Variants in FBXO34 observed in about 807,000 individuals in gnomAD.
The protein encoded by FBXO34 is F-box protein 34.
Under a neutral mutation model 24.5 loss-of-function variants are expected in FBXO34, and 12 were observed. That is an observed-to-expected ratio of 0.49 (90% CI 0.31 to 0.79). The LOEUF is 0.79. FBXO34 is among the 30% of genes least tolerant of loss of function. The pLI, the probability that FBXO34 is intolerant of heterozygous loss-of-function variation, is 0.04. For missense variants in FBXO34, 823 were observed against 857.7 expected (o/e 0.96, Z 0.51); for synonymous variants, 320 against 311.9 (o/e 1.03, Z -0.27).
rs560391457 is a variant in FBXO34 at position 55,276,218 on chromosome 14, A to T, written c.-11+4681A>T. Among the ~76,000 whole-genome samples, 3 of 152,326 alleles carry T rather than the reference A, an allele frequency of 2.0e-5. No individual in the cohort carries two copies. In the East Asian group the frequency reaches 5.8e-4, roughly 29 times the overall value. On this transcript the variant is annotated intron_variant, in intron 1 of 1. Transcript: ENST00000313833. ...AACTTGGGAAATACGCAAGCCTCTC[A>T]CAGCCTTCATTTCCAGTGTTTGCTT...
At chr14:55,377,979 C>T in the FBXO34 span, 1 of 1,603,826 alleles carries the variant, frequency 6.2e-7, no homozygotes, top group Non-Finnish European at 8.5e-7. Context: ...ACCTATTTTT[C>T]ATACCTGAGA....
At chr14:55,435,021 A>G in the FBXO34 span, among the ~76,000 whole-genome samples, 3 of 152,178 alleles carry the variant, frequency 2.0e-5, no homozygotes. Flanking sequence ...TGAAAACAGG[A>G]TGCCTGGCCT....
chr14:55,427,539 G>C, the FBXO34 span, among the ~76,000 whole-genome samples: 14 of 152,128 alleles, frequency 9.2e-5, no homozygotes, highest in Admixed American at 2.6e-4. Flanking sequence ...GCGTTGGAAT[G>C]AAAGAACTTC....
chr14:55,437,767 G>A, the FBXO34 span, among the ~76,000 whole-genome samples: 4 of 152,302 alleles, frequency 2.6e-5, no homozygotes. Flanking sequence ...AATAAATGAA[G>A]GAAGTTTAAG....
chr14:55,412,405 A>G, the FBXO34 span, among the ~76,000 whole-genome samples: 5 of 152,342 alleles, frequency 3.3e-5, no homozygotes, highest in African/African-American at 1.2e-4. Flanking sequence ...TACTTTACCA[A>G]TAGTGAAAAC....
At chr14:55,318,310 C>A (rs1449599715) in intron 1 of FBXO34, 1 of 104,764 alleles carries the variant, frequency 9.5e-6, no homozygotes, top group Non-Finnish European at 1.8e-5. Context: ...TAGGCATAGC[C>A]AATCCCCTGT....
Position 55,332,108 on chromosome 14 carries a change from A to G in FBXO34, c.-10-18273A>G, listed in dbSNP as rs998993633. Among the ~76,000 whole-genome samples, 11 of 146,650 alleles carry G rather than the reference A, an allele frequency of 7.5e-5. No homozygotes were observed. The South Asian group carries it at 2.3e-3, about 31-fold the overall frequency. On this transcript the variant is annotated intron_variant, in intron 1 of 1. Coordinates refer to ENST00000313833, the MANE Select transcript of FBXO34 (RefSeq NM_017943.4). ...AATATATATATATATTTAAATATAT[A>G]TATAAATTTAATATATAACTCATTC...
In FBXO34 at chr14:55,350,481, A is replaced by G. The variant is rs767610961; in HGVS notation, c.91A>G (p.Lys31Glu). The change falls in exon 2 of 2, where the codon AAG becomes GAG. Residue 31 changes from lysine to glutamate, a missense_variant. This residue lies in a region of FBXO34 where 693 missense variants were observed against 659.1 expected (regional missense o/e 1.05). Coordinates refer to ENST00000313833, the MANE Select transcript of FBXO34 (RefSeq NM_017943.4). ...ETQRTPMNHQKAVNDETCKAS... is the reference protein window; with the variant it reads ...ETQRTPMNHQEAVNDETCKAS... Reference sequence around the variant, plus strand: ...GCAGAGAACTCCTATGAACCACCAAAAGGCTGTAAATGATGAAACATGCAA... The same window carrying G: ...GCAGAGAACTCCTATGAACCACCAAGAGGCTGTAAATGATGAAACATGCAA... The G allele has an allele frequency of 3.7e-6, 6 of 1,613,730 alleles. No homozygotes were observed. The African/African-American group carries it at 8.0e-5, about 22-fold the overall frequency.
intron 1 of FBXO34, among the ~76,000 whole-genome samples, chr14:55,296,984 T>TA (rs1432981688): frequency 6.6e-6 from 1 of 152,206 alleles, no homozygotes; most frequent in Non-Finnish European, 1.5e-5. Flanking sequence ...TTTAAAACAG[T>TA]AGTTTAGGGG....
At chr14:55,384,950 C>T in the FBXO34 span, among the ~76,000 whole-genome samples, 4 of 152,224 alleles carry the variant, frequency 2.6e-5, no homozygotes, top group Non-Finnish European at 4.4e-5. Flanking sequence ...CTCTATTTCT[C>T]AGATGAACAG....
rs554143081 is a variant in FBXO34, at chr14:55,330,103, C to G, written c.-10-20278C>G. Among the ~76,000 whole-genome samples, 3 of 152,254 alleles carry G rather than the reference C, an allele frequency of 2.0e-5. No homozygotes were observed. In the East Asian group the frequency reaches 5.8e-4, roughly 29 times the overall value. ...CATGATGTCACTTTTCTCTTCCATC[C>G]AAATTTAGTTTTAGTTTTGTAAACT... On this transcript the variant is annotated intron_variant, in intron 1 of 1. Transcript: ENST00000313833.
intron 1 of FBXO34, among the ~76,000 whole-genome samples, chr14:55,338,443 G>A (rs1164909837): frequency 6.6e-6 from 1 of 152,092 alleles, no homozygotes; most frequent in Non-Finnish European, 1.5e-5. Flanking sequence ...TTGTAGATAA[G>A]AGTATGTACT....
At chr14:55,395,302 G>A in the FBXO34 span, 55 of 273,700 alleles carry the variant, frequency 2.0e-4, no homozygotes, top group African/African-American at 1.2e-3. Flanking sequence ...CAGCAAAGCC[G>A]GGCTGCCTGG....
downstream of FBXO34, among the ~76,000 whole-genome samples, chr14:55,365,050 C>A (rs1162763532): frequency 7.6e-6 from 1 of 132,374 alleles, no homozygotes; most frequent in African/African-American, 2.8e-5. Flanking sequence ...GAAACCCCAT[C>A]TCTACTTTAA....
At chr14:55,326,081 A>G (rs17128405) in intron 1 of FBXO34, 1 of 152,312 alleles carries the variant, frequency 6.6e-6, no homozygotes, top group African/African-American at 2.4e-5. Flanking sequence ...TGGCCTATTC[A>G]AGGTGTTTCT....
intron 1 of FBXO34, among the ~76,000 whole-genome samples, chr14:55,307,841 TGAC>T (rs1882605488): frequency 6.6e-6 from 1 of 152,226 alleles, no homozygotes; most frequent in African/African-American, 2.4e-5. Flanking sequence ...TGCTCTCATA[TGAC>T]TGTTAGCATT....
chr14:55,442,909 G>A, the FBXO34 span, among the ~76,000 whole-genome samples: 6 of 152,300 alleles, frequency 3.9e-5, no homozygotes, highest in African/African-American at 1.4e-4. Flanking sequence ...CACAGAGAAG[G>A]CCAGGTGAGG....
chr14:55,402,951 AT>A, the FBXO34 span, among the ~76,000 whole-genome samples: 144 of 79,456 alleles, frequency 1.8e-3, 5 homozygotes, highest in South Asian at 6.5e-3. Flanking sequence ...ATATATATAT[AT>A]ATATATATAT....
At chr14:55,424,358 T>A in the FBXO34 span, 2 of 665,992 alleles carry the variant, frequency 3.0e-6, no homozygotes, top group Non-Finnish European at 5.1e-6. Context: ...CAGTTGTAAA[T>A]AAGTTAGCTA....
Sources: allele counts gnomAD v4.1 joint callset (sites outside exome capture counted in the v4.1 genomes callset), GRCh38; gene constraint gnomAD v4.1.1; regional missense constraint gnomAD v4.1.1; transcripts MANE v1.5; gene names NCBI Gene and HGNC (gene_info 2026-07-23, HGNC 2026-07-21).